Variants in KIF16B observed in about 807,000 individuals in gnomAD.
KIF16B encodes the protein kinesin-like protein KIF16B.
KIF16B carries 98 observed loss-of-function variants against 156.3 expected under a neutral mutation model. The ratio of observed to expected loss-of-function variants is 0.63; its 90% CI spans 0.53 to 0.74. The LOEUF is 0.74. Ranked by LOEUF, KIF16B falls within the 30% of genes least tolerant of loss-of-function variation. The probability of loss-of-function intolerance (pLI) is 0.00; values close to 1 mark genes in which losing one functional copy is unlikely to be tolerated. For missense variants in KIF16B, 1,421 were observed against 1,606.5 expected, an observed-to-expected ratio of 0.88 and a Z score of 1.97; for synonymous variants, 564 against 583.7, an observed-to-expected ratio of 0.97 and a Z score of 0.49.
In KIF16B at chr20:16,356,390, A is replaced by G. The variant is rs1485370913; in HGVS notation, c.3561T>C (p.Ser1187=). Residue 1187 remains serine (S), a synonymous_variant, in exon 23 of 26, where the codon AGT becomes AGC. Transcript: ENST00000354981. ...PDDLKDPIKI[S]IPRYVLCGQG... ...GCCCGCAGAGGACGTAGCGTGGGAT[A>G]CTAATTTTAATTGGGTCCTTCAGGT... The G allele has an allele frequency of 2.0e-5, 33 of 1,614,080 alleles. No individual in the cohort carries two copies. Among genetic ancestry groups the G allele is most frequent in the Non-Finnish European group, 2.7e-5 (32 of 1,180,022 alleles).
intron 25 of KIF16B, among the ~76,000 whole-genome samples, chr20:16,278,880 G>A (rs750777908): frequency 1.3e-5 from 2 of 152,110 alleles, no homozygotes; most frequent in African/African-American, 2.4e-5. Flanking sequence ...TGTCTACACC[G>A]GGCATCTTAG....
intron 12 of KIF16B, among the ~76,000 whole-genome samples, chr20:16,446,644 AT>A (rs2066938886): frequency 6.6e-6 from 1 of 152,210 alleles, no homozygotes. Context: ...ATTCAAAAAT[AT>A]ATATATGAAA....
intron 1 of KIF16B, among the ~76,000 whole-genome samples, chr20:16,568,447 T>C (rs749945229): frequency 2.8e-4 from 42 of 152,214 alleles, no homozygotes; most frequent in Non-Finnish European, 3.7e-4. Flanking sequence ...AGGGAGCCCC[T>C]GCTGAATGCC....
chr20:16,282,482 A>C (rs2122350386), intron 25 of KIF16B, among the ~76,000 whole-genome samples: 1 of 152,202 alleles, frequency 6.6e-6, no homozygotes. Context: ...CCCCAGGGGA[A>C]AGGAAAGGCT....
rs552425605 is a variant in KIF16B at position 16,272,980 on chromosome 20, C to T, written c.*273G>A. The stretch of plus-strand genomic sequence containing the variant: ...TTGCCACAGGGGACGAACTTTGCTG[C>T]GCAGTGAGAAGGAAGCACTGTGGGA... On this transcript the variant is annotated 3_prime_UTR_variant, in exon 26 of 26. Coordinates refer to ENST00000354981, the MANE Select transcript of KIF16B (RefSeq NM_024704.5). The T allele has an allele frequency of 2.7e-5, 10 of 366,016 alleles. No homozygotes were observed. Among genetic ancestry groups the T allele is most frequent in the South Asian group, 1.1e-4 (3 of 26,372 alleles). The allele number at this position is 366,016 out of a possible 1,614,324, so 22.7% of individuals were successfully genotyped here.
At chr20:16,292,199 C>T (rs2063324008) in intron 25 of KIF16B, among the ~76,000 whole-genome samples, 3 of 152,110 alleles carry the variant, frequency 2.0e-5, no homozygotes, top group Middle Eastern at 3.4e-3. Flanking sequence ...AATGTAAATG[C>T]ATTGCAGGGG....
chr20:16,571,474 C>A (rs548628519), intron 1 of KIF16B, among the ~76,000 whole-genome samples: 1 of 152,196 alleles, frequency 6.6e-6, no homozygotes, highest in East Asian at 1.9e-4. Context: ...TGGCAAGGCA[C>A]TGAACTCACA....
At chr20:16,307,325 C>A (rs2063555413) in intron 25 of KIF16B, among the ~76,000 whole-genome samples, 1 of 152,092 alleles carries the variant, frequency 6.6e-6, no homozygotes, top group African/African-American at 2.4e-5. Flanking sequence ...CACCTTTCAT[C>A]AATGAACAAA....
At chr20:16,291,352 G>A (rs2122487918) in intron 25 of KIF16B, among the ~76,000 whole-genome samples, 1 of 152,188 alleles carries the variant, frequency 6.6e-6, no homozygotes, top group East Asian at 1.9e-4. Context: ...AGTTGCTGTA[G>A]ACAAAAAATG....
intron 12 of KIF16B, among the ~76,000 whole-genome samples, chr20:16,459,845 C>T (rs1440532796): frequency 2.6e-5 from 4 of 152,138 alleles, no homozygotes; most frequent in Non-Finnish European, 5.9e-5. Flanking sequence ...TACTTCCCAG[C>T]CTTTCCTTTA....
chr20:16,296,351 G>A (rs1033267775), intron 25 of KIF16B, among the ~76,000 whole-genome samples: 8 of 152,154 alleles, frequency 5.3e-5, no homozygotes, highest in African/African-American at 1.7e-4. Flanking sequence ...GCTTTATCTA[G>A]GTGGAGAGGA....
intron 22 of KIF16B, among the ~76,000 whole-genome samples, chr20:16,359,650 T>C (rs1202859191): frequency 7.6e-6 from 1 of 131,332 alleles, no homozygotes; most frequent in East Asian, 2.0e-4. Context: ...TCATAGATTC[T>C]TTACAAAAAA....
intron 15 of KIF16B, among the ~76,000 whole-genome samples, chr20:16,422,213 A>T (rs62198127): frequency 0.075 from 11,370 of 152,166 alleles, 493 homozygotes; most frequent in South Asian, 0.15. Flanking sequence ...TAAATAAGCA[A>T]ATAAGCTTTC....
chr20:16,317,626 T>C (rs1156608370), intron 24 of KIF16B, among the ~76,000 whole-genome samples: 1 of 152,170 alleles, frequency 6.6e-6, no homozygotes, highest in Non-Finnish European at 1.5e-5. Context: ...GAGCAATGAC[T>C]CGATTTGTTC....
intron 12 of KIF16B, among the ~76,000 whole-genome samples, chr20:16,475,365 C>T (rs1357183337): frequency 6.6e-6 from 1 of 152,178 alleles, no homozygotes; most frequent in African/African-American, 2.4e-5. Context: ...CAAGGTCATA[C>T]AGCCAGCAAC....
At chr20:16,518,715 T>G (rs1238066850) in intron 3 of KIF16B, among the ~76,000 whole-genome samples, 3 of 152,182 alleles carry the variant, frequency 2.0e-5, no homozygotes, top group African/African-American at 7.2e-5. Context: ...TAAAATTAAT[T>G]TGGGAGAAAA....
At chr20:16,516,843 G>T (rs1313932828) in intron 3 of KIF16B, among the ~76,000 whole-genome samples, 1 of 152,202 alleles carries the variant, frequency 6.6e-6, no homozygotes, top group Non-Finnish European at 1.5e-5. Flanking sequence ...ATCTAAGGGG[G>T]TGTGAACCTA....
chr20:16,533,738 C>A (rs2069843953), intron 1 of KIF16B, among the ~76,000 whole-genome samples: 1 of 152,086 alleles, frequency 6.6e-6, no homozygotes, highest in Non-Finnish European at 1.5e-5. Context: ...TCTCACCCTG[C>A]CAAACCATGA....
intron 1 of KIF16B, among the ~76,000 whole-genome samples, chr20:16,530,567 A>C (rs1417828184): frequency 2.0e-5 from 3 of 152,164 alleles, no homozygotes; most frequent in African/African-American, 7.2e-5. Context: ...CATGATGATG[A>C]GAGATGACTG....
Sources: gnomAD v4.1 joint callset for allele counts (sites outside exome capture counted in the v4.1 genomes callset) on GRCh38, gnomAD v4.1.1 for gene constraint, MANE v1.5 for transcripts, NCBI Gene and HGNC (gene_info 2026-07-23, HGNC 2026-07-21) for gene names.